Variants in BCAS3 observed in about 807,000 individuals in gnomAD.
The protein encoded by BCAS3 is BCAS4/BCAS3 fusion.
In BCAS3, 53 loss-of-function variants were observed where a neutral mutation model predicts 116.1. The ratio of observed to expected loss-of-function variants is 0.46; its 90% CI spans 0.37 to 0.57. The LOEUF is 0.57. Ranked by LOEUF, BCAS3 falls within the 20% of genes least tolerant of loss-of-function variation. BCAS3 has a pLI of 0.00. For synonymous variants in BCAS3, 391 were observed against 408.2 expected, an observed-to-expected ratio of 0.96 and a Z score of 0.51; for missense variants, 917 against 1,165.4, an observed-to-expected ratio of 0.79 and a Z score of 3.10.
rs1174428679 is a variant in BCAS3 at position 61,098,798 on chromosome 17, G to T, written c.2425+14234G>T. Among the ~76,000 whole-genome samples, 1 of 152,146 alleles carries T rather than the reference G, an allele frequency of 6.6e-6. No homozygotes were observed. Among genetic ancestry groups the T allele is most frequent in the African/African-American group, 2.4e-5 (1 of 41,428 alleles). ...ATGAAACACCTTAACAGTAGGTGTG[G>T]ATCCTGATTGTTCTGTTACTGCTTG... On this transcript the variant is annotated intron_variant, in intron 22 of 23. Coordinates refer to ENST00000407086, the MANE Select transcript of BCAS3 (RefSeq NM_017679.5). This position sits in a 1 kb window ranked among gnomAD's most constrained non-coding sequence, Gnocchi z 4.2.
intron 2 of BCAS3, among the ~76,000 whole-genome samples, chr17:60,680,162 G>T (rs960984776): frequency 1.3e-5 from 2 of 148,436 alleles, no homozygotes; most frequent in African/African-American, 2.5e-5. Flanking sequence ...GAAAGAAAAT[G>T]AAATAGAATA....
chr17:61,281,504 T>C lies in BCAS3; in HGVS notation c.2426-86823T>C, dbSNP rs2051245041. Reference sequence around the variant, plus strand: ...TACGCCTTGCCAGTACAGTGTGTTATCAGATTTTTTGGTCTCTGCAAATCA... The same window carrying C: ...TACGCCTTGCCAGTACAGTGTGTTACCAGATTTTTTGGTCTCTGCAAATCA... On this transcript the variant is annotated intron_variant, in intron 22 of 23. Coordinates refer to ENST00000407086, the MANE Select transcript of BCAS3 (RefSeq NM_017679.5). The surrounding 1 kb of genome is among the most constrained non-coding windows in gnomAD (Gnocchi z 4.2). Among the ~76,000 whole-genome samples, 1 of 152,258 alleles carries C rather than the reference T, an allele frequency of 6.6e-6. No homozygotes were observed. Among genetic ancestry groups the C allele is most frequent in the Non-Finnish European group, 1.5e-5 (1 of 68,042 alleles).
At chr17:61,075,318 AATTT>A (rs1242520070) in intron 20 of BCAS3, among the ~76,000 whole-genome samples, 1 of 151,950 alleles carries the variant, frequency 6.6e-6, no homozygotes, top group African/African-American at 2.4e-5. Flanking sequence ...GGAATCAATT[AATTT>A]ATTAATTTTT....
intron 15 of BCAS3, among the ~76,000 whole-genome samples, chr17:60,992,189 TA>T (rs2063566404): frequency 1.2e-3 from 152 of 130,726 alleles, no homozygotes; most frequent in African/African-American, 4.2e-3. Flanking sequence ...TCCGATGACT[TA>T]CACACACACA....
At chr17:60,989,174 A>G (rs2063364692) in intron 14 of BCAS3, among the ~76,000 whole-genome samples, 1 of 152,110 alleles carries the variant, frequency 6.6e-6, no homozygotes, top group South Asian at 2.1e-4. Context: ...TGGAAAATTA[A>G]TTTAGTCAGT....
chr17:60,759,630 C>CT (rs35135127), intron 6 of BCAS3, among the ~76,000 whole-genome samples: 3,394 of 25,280 alleles, frequency 0.13, 98 homozygotes, highest in Non-Finnish European at 0.16. Flanking sequence ...ATAGTGACTT[C>CT]TTTTTTTTTT....
At chr17:61,280,795 G>T (rs1042902656) in intron 22 of BCAS3, among the ~76,000 whole-genome samples, 1 of 152,118 alleles carries the variant, frequency 6.6e-6, no homozygotes, top group Non-Finnish European at 1.5e-5. Context: ...TAAAGGTTCC[G>T]CCAGTTCTCT....
intron 22 of BCAS3, among the ~76,000 whole-genome samples, chr17:61,146,314 T>C (rs2143968605): frequency 6.6e-6 from 1 of 151,492 alleles, no homozygotes; most frequent in South Asian, 2.1e-4. Context: ...GACAGGGTTT[T>C]GCCATGTTGC....
chr17:61,110,389 C>G (rs1168762403), intron 22 of BCAS3, among the ~76,000 whole-genome samples: 1 of 152,224 alleles, frequency 6.6e-6, no homozygotes, highest in Non-Finnish European at 1.5e-5. Flanking sequence ...GGTGCGCGCA[C>G]CGTGCGCAAG....
rs757756989 is a variant in BCAS3, at chr17:61,354,759, A to G, written c.2426-13568A>G. On this transcript the variant is annotated intron_variant, in intron 22 of 23. Transcript: ENST00000407086. The surrounding 1 kb of genome is among the most constrained non-coding windows in gnomAD (Gnocchi z 4.5). ...TTGAGAGAGGTGGAAGGTTGACCAC[A>G]CACTCCAAATACACATGTTTATTGC... The G allele has an allele frequency of 1.3e-5, 2 of 152,234 alleles. No homozygotes were observed. The highest frequency in any genetic ancestry group is 2.9e-5 in the Non-Finnish European group (2 of 68,048). 9.4% of individuals were successfully genotyped at this position (152,234 alleles called of 1,614,324 possible). A position where few individuals can be genotyped will look rare whatever the true frequency, so the allele number is the denominator to read the frequency against.
Position 61,246,792 on chromosome 17 carries a change from A to AGTGTGTGTGTGTGT in BCAS3, c.2426-121510_2426-121497dup, listed in dbSNP as rs61382195. Among the ~76,000 whole-genome samples, 86 of 144,234 alleles carry AGTGTGTGTGTGTGT rather than the reference A, an allele frequency of 6.0e-4. 1 individual carries two copies. Among genetic ancestry groups the AGTGTGTGTGTGTGT allele is most frequent in the African/African-American group, 1.9e-3 (73 of 39,360 alleles). 94.6% of individuals were successfully genotyped at this position (144,234 alleles called of 152,430 possible). A position where few individuals can be genotyped will look rare whatever the true frequency, so the allele number is the denominator to read the frequency against. On this transcript the variant is annotated intron_variant, in intron 22 of 23. Coordinates refer to ENST00000407086, the MANE Select transcript of BCAS3 (RefSeq NM_017679.5). The stretch of plus-strand genomic sequence containing the variant: ...ATGGGTAGTTTTGCCTTTGAGTGAG[A>AGTGTGTGTGTGTGT]GTGTGTGTGTGTGTGTGTGTGTGTG...
At chr17:60,746,259 C>T (rs771986195) in intron 5 of BCAS3, among the ~76,000 whole-genome samples, 3 of 152,188 alleles carry the variant, frequency 2.0e-5, no homozygotes, top group South Asian at 4.1e-4. Flanking sequence ...GTCCATTCCC[C>T]TTCCCCACCT....
chr17:61,309,959 C>G lies in BCAS3; in HGVS notation c.2426-58368C>G, dbSNP rs2054166833. On this transcript the variant is annotated intron_variant, in intron 22 of 23. Transcript: ENST00000407086. This position sits in a 1 kb window ranked among gnomAD's most constrained non-coding sequence, Gnocchi z 4.6. Reference sequence around the variant, plus strand: ...CTTAAAGCAGTTTTCCTTTGAAAAACTACAGCATTTAGGCTACCAGGTTGT... The same window carrying G: ...CTTAAAGCAGTTTTCCTTTGAAAAAGTACAGCATTTAGGCTACCAGGTTGT... Among the ~76,000 whole-genome samples the G allele has an allele frequency of 1.3e-5, 2 of 152,176 alleles. No individual in the cohort carries two copies. Among genetic ancestry groups the G allele is most frequent in the African/African-American group, 4.8e-5 (2 of 41,454 alleles).
Position 61,344,473 on chromosome 17 carries a change from A to G in BCAS3, c.2426-23854A>G, listed in dbSNP as rs2057378574. Among the ~76,000 whole-genome samples the G allele has an allele frequency of 6.6e-6, 1 of 152,126 alleles. No homozygotes were observed. Among genetic ancestry groups the G allele is most frequent in the Non-Finnish European group, 1.5e-5 (1 of 68,026 alleles). On this transcript the variant is annotated intron_variant, in intron 22 of 23. Coordinates refer to ENST00000407086, the MANE Select transcript of BCAS3 (RefSeq NM_017679.5). The surrounding 1 kb of genome is among the most constrained non-coding windows in gnomAD (Gnocchi z 4.1). ...CTCTGAGACCACTATAGAGACTTTA[A>G]AGAAGGTGGGTCCTAAGTTTTGAGG...
intron 22 of BCAS3, among the ~76,000 whole-genome samples, chr17:61,173,291 T>C (rs2078959283): frequency 6.6e-6 from 1 of 150,668 alleles, no homozygotes; most frequent in African/African-American, 2.4e-5. Context: ...CTACTAAAAA[T>C]AGAAAAAATT....
At chr17:60,921,969 A>G (rs1248014956) in intron 12 of BCAS3, among the ~76,000 whole-genome samples, 1 of 152,156 alleles carries the variant, frequency 6.6e-6, no homozygotes, top group Non-Finnish European at 1.5e-5. Flanking sequence ...CACATAATAC[A>G]GATAAAACAT....
At position 61,019,002 on chromosome 17, in the gene BCAS3, A is replaced by T. The variant is rs1284416777; in HGVS notation, c.1637+3101A>T. On this transcript the variant is annotated intron_variant, in intron 16 of 23. Transcript: ENST00000407086. This position sits in a 1 kb window ranked among gnomAD's most constrained non-coding sequence, Gnocchi z 5.6. ...CTATTAATATAGAGTACAGTGACTGATAAGACTTTGATGATAGTGGTCAGT... is the reference window on the plus strand; with the variant it reads ...CTATTAATATAGAGTACAGTGACTGTTAAGACTTTGATGATAGTGGTCAGT... 1.3e-5 allele frequency among the ~76,000 whole-genome samples: 2 copies of T among 152,136 alleles called. No homozygotes were observed. The highest frequency in any genetic ancestry group is 6.5e-5 in the Admixed American group (1 of 15,270).
intron 22 of BCAS3, among the ~76,000 whole-genome samples, chr17:61,331,820 AGCACGTG>A (rs903346224): frequency 5.3e-5 from 8 of 152,160 alleles, no homozygotes; most frequent in Admixed American, 4.6e-4. Flanking sequence ...GTGTGTACTC[AGCACGTG>A]GCAGGTGTGA....
intron 7 of BCAS3, among the ~76,000 whole-genome samples, chr17:60,856,039 A>G (rs1268149164): frequency 6.6e-6 from 1 of 152,018 alleles, no homozygotes; most frequent in African/African-American, 2.4e-5. Flanking sequence ...TTCATGAAGT[A>G]TTTCTGCTTA....
Sources: allele counts gnomAD v4.1 joint callset (sites outside exome capture counted in the v4.1 genomes callset), GRCh38; gene constraint gnomAD v4.1.1; non-coding constraint Gnocchi (gnomAD v3.1); transcripts MANE v1.5; gene names NCBI Gene and HGNC (gene_info 2026-07-23, HGNC 2026-07-21).